Variants in RIMS2 observed in about 807,000 individuals in gnomAD.
RIMS2 encodes the protein regulating synaptic membrane exocytosis 2.
A neutral mutation model predicts 174.4 loss-of-function variants in RIMS2; 59 were observed. The observed-to-expected ratio is 0.34, with a 90% CI of 0.27 to 0.42. RIMS2 has a LOEUF of 0.42. Ranked by LOEUF, RIMS2 falls within the 10% of genes least tolerant of loss-of-function variation. The pLI is 1.00. For synonymous variants in RIMS2, 606 were observed against 572.5 expected (o/e 1.06, Z -0.84); for missense variants, 1,620 against 1,666.3 (o/e 0.97, Z 0.48).
intron 2 of RIMS2, among the ~76,000 whole-genome samples, chr8:103,737,506 G>C (rs7845768): frequency 6.6e-6 from 1 of 151,744 alleles, no homozygotes; most frequent in East Asian, 1.9e-4. Flanking sequence ...TTCTTAATTG[G>C]TCTCTTTGCT....
intron 1 of RIMS2, among the ~76,000 whole-genome samples, chr8:103,546,342 T>A (rs1193909120): frequency 6.6e-6 from 1 of 152,140 alleles, no homozygotes; most frequent in Non-Finnish European, 1.5e-5. Flanking sequence ...CTATCCTAAA[T>A]ATATATGCAC....
At chr8:104,250,474 T>C (rs2099355497) in intron 22 of RIMS2, among the ~76,000 whole-genome samples, 1 of 152,204 alleles carries the variant, frequency 6.6e-6, no homozygotes, top group Non-Finnish European at 1.5e-5. Context: ...AAAATCATGA[T>C]TTGTACATGC....
At chr8:103,976,548 C>CTTTTTCTTTTTTTTTTTTTTTTTTT (rs1555075311) in intron 16 of RIMS2, 12 of 124,572 alleles carry the variant, frequency 9.6e-5, no homozygotes, top group Non-Finnish European at 1.3e-4. Context: ...TTTTCTTTTT[C>CTTTTTCTTTTTTTTTTTTTTTTTTT]TTTTTTTTTT....
intron 1 of RIMS2, among the ~76,000 whole-genome samples, chr8:103,657,941 A>C (rs2096551043): frequency 6.6e-6 from 1 of 152,158 alleles, no homozygotes; most frequent in Non-Finnish European, 1.5e-5. Flanking sequence ...GCTGTATTTA[A>C]AATCTAGACC....
At chr8:104,041,843 A>G (rs2096614672) in intron 19 of RIMS2, among the ~76,000 whole-genome samples, 1 of 151,714 alleles carries the variant, frequency 6.6e-6, no homozygotes, top group Non-Finnish European at 1.5e-5. Flanking sequence ...AGAGATGTGG[A>G]TAACATGCAC....
intron 19 of RIMS2, among the ~76,000 whole-genome samples, chr8:104,118,554 A>C (rs1005209654): frequency 6.6e-6 from 1 of 151,608 alleles, no homozygotes; most frequent in Admixed American, 6.6e-5. Flanking sequence ...TTTTTAGTGG[A>C]GATGGGGTTT....
intron 19 of RIMS2, among the ~76,000 whole-genome samples, chr8:104,163,799 C>T (rs1048364044): frequency 6.6e-6 from 1 of 152,030 alleles, no homozygotes; most frequent in African/African-American, 2.4e-5. Context: ...TTGCTTTTTA[C>T]TTGAAATTTC....
intron 19 of RIMS2, chr8:104,223,867 C>T: frequency 8.1e-7 from 1 of 1,236,008 alleles, no homozygotes; most frequent in Non-Finnish European, 1.1e-6. Context: ...TTGGCCGGGG[C>T]AGAGAGAACT....
At chr8:103,577,167 A>G (rs1365949237) in intron 1 of RIMS2, among the ~76,000 whole-genome samples, 2 of 152,230 alleles carry the variant, frequency 1.3e-5, no homozygotes, top group Non-Finnish European at 2.9e-5. Context: ...AATTTTTGCA[A>G]TATATCCATC....
intron 19 of RIMS2, among the ~76,000 whole-genome samples, chr8:104,063,226 A>G (rs1189450577): frequency 1.3e-5 from 2 of 152,028 alleles, no homozygotes; most frequent in African/African-American, 2.4e-5. Flanking sequence ...AAAGAATACT[A>G]TTTAGAATAA....
At chr8:104,000,682 A>G (rs2095345156) in intron 17 of RIMS2, among the ~76,000 whole-genome samples, 1 of 151,966 alleles carries the variant, frequency 6.6e-6, no homozygotes, top group South Asian at 2.1e-4. Context: ...CCAGCAGTGT[A>G]CAAGCACTCC....
At chr8:103,598,306 G>T (rs2094554640) in intron 1 of RIMS2, among the ~76,000 whole-genome samples, 1 of 152,142 alleles carries the variant, frequency 6.6e-6, no homozygotes. Context: ...AGCAATTCCT[G>T]ATCATACGGA....
At chr8:104,001,467 C>A (rs2095385996) in intron 17 of RIMS2, among the ~76,000 whole-genome samples, 1 of 152,034 alleles carries the variant, frequency 6.6e-6, no homozygotes, top group East Asian at 1.9e-4. Context: ...ACATGAACAT[C>A]CTTGAATCTA....
chr8:104,199,834 G>A (rs574463758), intron 19 of RIMS2, among the ~76,000 whole-genome samples: 12 of 152,156 alleles, frequency 7.9e-5, no homozygotes, highest in Admixed American at 3.9e-4. Flanking sequence ...ACTGGGTGGC[G>A]CTGGAAATGC....
intron 1 of RIMS2, among the ~76,000 whole-genome samples, chr8:103,609,992 C>A (rs931488285): frequency 6.6e-6 from 1 of 152,116 alleles, no homozygotes; most frequent in Non-Finnish European, 1.5e-5. Flanking sequence ...TTGGTTATGT[C>A]ATCTCTGATT....
In RIMS2 at chr8:103,743,546, G is replaced by A. The variant is rs568180736; in HGVS notation, c.388-22681G>A. Among the ~76,000 whole-genome samples the A allele has an allele frequency of 2.2e-3, 264 of 118,686 alleles. 3 individuals are homozygous for A. The highest frequency in any genetic ancestry group is 8.6e-3 in the African/African-American group (251 of 29,096). The allele number at this position is 118,686 out of a possible 152,430, so 77.9% of individuals were successfully genotyped here. The stretch of plus-strand genomic sequence containing the variant: ...ACTGAAGTTTCCTTTTTGTCATATC[G>A]TATAATTAGCATCTATATTTATTAC... On this transcript the variant is annotated intron_variant, in intron 2 of 23. Coordinates refer to ENST00000504942, the Ensembl canonical transcript of RIMS2.
chr8:104,212,619 C>CA (rs2099110382), intron 19 of RIMS2, among the ~76,000 whole-genome samples: 1 of 152,146 alleles, frequency 6.6e-6, no homozygotes, highest in South Asian at 2.1e-4. Context: ...CACACACACA[C>CA]GCATGTTCAT....
chr8:103,886,237 T>C lies in RIMS2; in HGVS notation c.1624+14T>C. 1 of 1,587,586 alleles carries C rather than the reference T, an allele frequency of 6.3e-7. No individual in the cohort carries two copies. The highest frequency in any genetic ancestry group is 1.8e-5 in the Admixed American group (1 of 56,414). ...TAAGTGAAAAAGGTAAGCTTTCTAA[T>C]CATACATTTTGCTGTAATTGATTAG... On this transcript the variant is annotated intron_variant, in intron 4 of 23. Transcript: ENST00000504942.
chr8:104,091,621 T>C (rs1022130087), intron 19 of RIMS2, among the ~76,000 whole-genome samples: 2 of 150,024 alleles, frequency 1.3e-5, no homozygotes, highest in African/African-American at 2.4e-5. Flanking sequence ...TATTATATAG[T>C]ATACAATATA....
Sources: allele counts gnomAD v4.1 joint callset (sites outside exome capture counted in the v4.1 genomes callset), GRCh38; gene constraint gnomAD v4.1.1; transcripts MANE v1.5; gene names NCBI Gene and HGNC (gene_info 2026-07-23, HGNC 2026-07-21).